The following NRG1 variants were observed in gnomAD, a reference collection of about 807,000 sequenced individuals.
NRG1 encodes the protein neuregulin 1.
NRG1 carries 18 observed loss-of-function variants against 63.8 expected under a neutral mutation model. That is an observed-to-expected ratio of 0.28 (90% CI 0.19 to 0.42). The LOEUF (loss-of-function observed/expected upper bound fraction) is 0.42. Ranked by LOEUF, NRG1 falls within the 10% of genes least tolerant of loss-of-function variation. The pLI is 1.00. For missense variants in NRG1, 762 were observed against 814.7 expected, an observed-to-expected ratio of 0.94 and a Z score of 0.79; for synonymous variants, 302 against 301.3, an observed-to-expected ratio of 1.00 and a Z score of -0.02.
At chr8:32,261,174 G>A (rs1264094979) in intron 1 of NRG1, among the ~76,000 whole-genome samples, 1 of 152,106 alleles carries the variant, frequency 6.6e-6, no homozygotes, top group Non-Finnish European at 1.5e-5. Flanking sequence ...TGGCACAGTT[G>A]TCCAAAAAAT....
intron 1 of NRG1, among the ~76,000 whole-genome samples, chr8:32,343,352 C>T (rs925614850): frequency 1.3e-5 from 2 of 152,076 alleles, no homozygotes; most frequent in African/African-American, 4.8e-5. Flanking sequence ...TAATTATGTG[C>T]GAACCTTGGA....
chr8:32,034,634 T>C (rs1313153002), intron 1 of NRG1, among the ~76,000 whole-genome samples: 1 of 152,232 alleles, frequency 6.6e-6, no homozygotes, highest in Non-Finnish European at 1.5e-5. Context: ...GAGCTTGTTA[T>C]TGGTCTACTC....
intron 1 of NRG1, among the ~76,000 whole-genome samples, chr8:31,934,912 T>C (rs1315730259): frequency 1.3e-5 from 2 of 152,194 alleles, no homozygotes; most frequent in East Asian, 3.9e-4. Flanking sequence ...CAGAATTGAA[T>C]GAAAATATCT....
chr8:32,585,572 C>T (rs2466062), intron 1 of NRG1, among the ~76,000 whole-genome samples: 100,992 of 152,102 alleles, frequency 0.66, 34,066 homozygotes, highest in East Asian at 0.83. Context: ...GTTATCACAT[C>T]GCAGTGAACA....
chr8:31,792,142 C>G (rs1430287851), intron 1 of NRG1, among the ~76,000 whole-genome samples: 4 of 152,260 alleles, frequency 2.6e-5, no homozygotes, highest in South Asian at 4.1e-4. Context: ...TCCTTGTCAC[C>G]TCTTATTATT....
intron 1 of NRG1, among the ~76,000 whole-genome samples, chr8:32,591,550 T>A (rs915218748): frequency 6.6e-6 from 1 of 152,060 alleles, no homozygotes; most frequent in African/African-American, 2.4e-5. Flanking sequence ...TTTCCTTCCA[T>A]CAAAAGACCA....
chr8:32,389,865 AT>A (rs1811503165), intron 1 of NRG1, among the ~76,000 whole-genome samples: 1 of 151,104 alleles, frequency 6.6e-6, no homozygotes, highest in African/African-American at 2.4e-5. Flanking sequence ...GGTTTAAACG[AT>A]TTTCGTTCCT....
chr8:32,454,037 G>A (rs576854634), intron 1 of NRG1, among the ~76,000 whole-genome samples: 9 of 152,234 alleles, frequency 5.9e-5, no homozygotes, highest in East Asian at 1.9e-4. Context: ...TTTCTGATGC[G>A]TAAAGCATAT....
At chr8:32,054,093 C>A (rs1409944616) in intron 1 of NRG1, among the ~76,000 whole-genome samples, 16 of 152,040 alleles carry the variant, frequency 1.1e-4, no homozygotes, top group Admixed American at 1.0e-3. Flanking sequence ...GCATTTTATC[C>A]CTTAATCAGA....
chr8:32,409,364 C>T (rs1314029697), intron 1 of NRG1, among the ~76,000 whole-genome samples: 1 of 152,134 alleles, frequency 6.6e-6, no homozygotes, highest in Non-Finnish European at 1.5e-5. Flanking sequence ...ATTACTAAGA[C>T]CCCAAAAGCA....
chr8:32,758,056 C>T (rs1829990619), intron 9 of NRG1, among the ~76,000 whole-genome samples: 1 of 152,120 alleles, frequency 6.6e-6, no homozygotes, highest in Admixed American at 6.5e-5. Flanking sequence ...GAGTTTCAAG[C>T]ATAATTCAAG....
intron 4 of NRG1, among the ~76,000 whole-genome samples, 155 bp downstream of exon 4, chr8:32,614,719 T>A (rs1471676070): frequency 6.6e-6 from 1 of 152,126 alleles, no homozygotes; most frequent in African/African-American, 2.4e-5. Flanking sequence ...TCTGTCTTTT[T>A]GGATTTTACT....
chr8:32,501,176 C>G (rs1382823862), intron 1 of NRG1, among the ~76,000 whole-genome samples: 1 of 152,102 alleles, frequency 6.6e-6, no homozygotes, highest in Non-Finnish European at 1.5e-5. Flanking sequence ...ATGGCCATAC[C>G]TAAAGATCTG....
At chr8:32,398,491 A>G (rs1812735553) in intron 1 of NRG1, among the ~76,000 whole-genome samples, 2 of 150,518 alleles carry the variant, frequency 1.3e-5, no homozygotes, top group Non-Finnish European at 3.0e-5. Flanking sequence ...GCTCACTGCA[A>G]CCCCTGCCTC....
chr8:32,064,390 T>C (rs1824403078), intron 1 of NRG1, among the ~76,000 whole-genome samples: 1 of 152,092 alleles, frequency 6.6e-6, no homozygotes, highest in Non-Finnish European at 1.5e-5. Flanking sequence ...GTCAAAACCA[T>C]TTGTTCCCTA....
intron 1 of NRG1, among the ~76,000 whole-genome samples, chr8:31,695,377 C>T (rs531922583): frequency 2.6e-5 from 4 of 152,268 alleles, no homozygotes; most frequent in South Asian, 2.1e-4. Flanking sequence ...GCCCTGTTGG[C>T]GAGGCTGATC....
intron 1 of NRG1, among the ~76,000 whole-genome samples, chr8:32,046,162 A>G (rs1275967127): frequency 2.6e-5 from 4 of 152,106 alleles, no homozygotes; most frequent in African/African-American, 4.8e-5. Flanking sequence ...ACCAAAGTAG[A>G]TATGGGGAAG....
intron 1 of NRG1, among the ~76,000 whole-genome samples, chr8:31,888,075 A>G (rs1021289493): frequency 1.3e-5 from 2 of 151,820 alleles, no homozygotes; most frequent in African/African-American, 2.4e-5. Context: ...GATGTCTTAC[A>G]TATCAATATT....
At chr8:32,392,916 A>G (rs904843405) in intron 1 of NRG1, among the ~76,000 whole-genome samples, 2 of 152,128 alleles carry the variant, frequency 1.3e-5, no homozygotes, top group Non-Finnish European at 2.9e-5. Flanking sequence ...AGCCCTTGGG[A>G]TCCAGGGATT....
Sources: gnomAD v4.1 joint callset for allele counts (sites outside exome capture counted in the v4.1 genomes callset) on GRCh38, gnomAD v4.1.1 for gene constraint, MANE v1.5 for transcripts, NCBI Gene and HGNC (gene_info 2026-07-23, HGNC 2026-07-21) for gene names.